The following ARL15 variants were observed in gnomAD, a reference collection of about 807,000 sequenced individuals.
ARL15 encodes the protein ARF like GTPase 15, also known as ADP-ribosylation factor-like protein 15.
In ARL15, 19 loss-of-function variants were observed where a neutral mutation model predicts 25.2. The ratio of observed to expected loss-of-function variants is 0.75; its 90% CI spans 0.53 to 1.10. ARL15 has a LOEUF of 1.10. Among genes scored for constraint, ARL15 ranks in the 50% least tolerant of loss-of-function variants. The pLI is 0.00. For missense variants in ARL15, 220 were observed against 246.0 expected (o/e 0.89, Z 0.71); for synonymous variants, 94 against 86.8 (o/e 1.08, Z -0.46).
intron 4 of ARL15, among the ~76,000 whole-genome samples, chr5:53,944,748 C>A (rs1746669009): frequency 6.6e-6 from 1 of 152,152 alleles, no homozygotes; most frequent in Non-Finnish European, 1.5e-5. Context: ...TGCTAATTTT[C>A]TGATTCACTA....
chr5:54,192,469 C>A (rs963300938), intron 1 of ARL15, among the ~76,000 whole-genome samples: 4 of 151,732 alleles, frequency 2.6e-5, no homozygotes. Context: ...ATTTCCTAAC[C>A]TTTTATCATT....
At chr5:54,242,089 G>A (rs954007162) in intron 1 of ARL15, among the ~76,000 whole-genome samples, 3 of 152,020 alleles carry the variant, frequency 2.0e-5, no homozygotes, top group Non-Finnish European at 4.4e-5. Flanking sequence ...TTAGCAAGAT[G>A]GCCCAGCAAT....
At chr5:54,292,742 T>G (rs991576250) in intron 1 of ARL15, among the ~76,000 whole-genome samples, 8 of 152,208 alleles carry the variant, frequency 5.3e-5, no homozygotes, top group African/African-American at 1.7e-4. Context: ...CGCTAGGTAT[T>G]TTTATACTGT....
At chr5:53,894,694 A>G (rs895921874) in intron 4 of ARL15, among the ~76,000 whole-genome samples, 1 of 152,142 alleles carries the variant, frequency 6.6e-6, no homozygotes, top group Non-Finnish European at 1.5e-5. Flanking sequence ...CAGGCCCTCT[A>G]CAGCCTGAGG....
chr5:54,017,888 A>G (rs1414203983), intron 4 of ARL15, among the ~76,000 whole-genome samples: 3 of 152,156 alleles, frequency 2.0e-5, no homozygotes, highest in Non-Finnish European at 4.4e-5. Context: ...AGTATGGCTA[A>G]GGCAAATCTG....
chr5:54,025,397 CAG>C (rs1203018022), intron 4 of ARL15, among the ~76,000 whole-genome samples: 1 of 150,638 alleles, frequency 6.6e-6, no homozygotes, highest in Non-Finnish European at 1.5e-5. Context: ...TGTAAGGAAA[CAG>C]AGAATTTAAT....
intron 4 of ARL15, among the ~76,000 whole-genome samples, chr5:54,082,689 A>T (rs2112114738): frequency 6.6e-6 from 1 of 152,028 alleles, no homozygotes; most frequent in South Asian, 2.1e-4. Flanking sequence ...TTTGTTTCTG[A>T]GTGTATATTG....
chr5:54,223,494 G>GA (rs1452776772), intron 1 of ARL15, among the ~76,000 whole-genome samples: 1 of 152,138 alleles, frequency 6.6e-6, no homozygotes, highest in Non-Finnish European at 1.5e-5. Context: ...TTTAGAGATA[G>GA]AAAAGGGTCT....
intron 4 of ARL15, among the ~76,000 whole-genome samples, chr5:53,958,196 A>G (rs1019229706): frequency 4.6e-5 from 7 of 152,096 alleles, no homozygotes; most frequent in African/African-American, 1.4e-4. Flanking sequence ...AAAAAAGAAA[A>G]AAAAAAAAGA....
intron 2 of ARL15, among the ~76,000 whole-genome samples, chr5:54,156,985 C>G (rs193227283): frequency 6.6e-6 from 1 of 152,322 alleles, no homozygotes; most frequent in East Asian, 1.9e-4. Context: ...ATGTATCTAC[C>G]TACCTCACAC....
At chr5:54,161,998 TACACAC>T (rs3839223) in intron 2 of ARL15, among the ~76,000 whole-genome samples, 33,158 of 144,582 alleles carry the variant, frequency 0.23, 4,019 homozygotes, top group African/African-American at 0.33. Context: ...CACACACACA[TACACAC>T]ACACACACAC....
intron 1 of ARL15, among the ~76,000 whole-genome samples, chr5:54,267,126 C>T (rs1466503558): frequency 6.6e-6 from 1 of 152,164 alleles, no homozygotes; most frequent in African/African-American, 2.4e-5. Flanking sequence ...GGGTCTCACT[C>T]TGTCACCCAG....
At chr5:53,906,011 A>C in intron 4 of ARL15, among the ~76,000 whole-genome samples, 1 of 152,202 alleles carries the variant, frequency 6.6e-6, no homozygotes, top group East Asian at 1.9e-4. Context: ...AAAGGAAAAG[A>C]TGTGGCTCTA....
intron 4 of ARL15, among the ~76,000 whole-genome samples, chr5:54,074,697 C>A (rs156386): frequency 0.5 from 76,163 of 151,834 alleles, 21,291 homozygotes; most frequent in Non-Finnish European, 0.62. Context: ...AGAGATTTTA[C>A]TTTAATAGTA....
chr5:54,188,484 G>A (rs937374851), intron 1 of ARL15, among the ~76,000 whole-genome samples: 2 of 152,126 alleles, frequency 1.3e-5, no homozygotes, highest in African/African-American at 4.8e-5. Context: ...TGACTTTAGT[G>A]TTAACATTGA....
intron 3 of ARL15, among the ~76,000 whole-genome samples, chr5:54,151,421 C>A (rs527365104): frequency 1.3e-5 from 2 of 152,164 alleles, no homozygotes; most frequent in South Asian, 4.1e-4. Flanking sequence ...GTCTCCATCA[C>A]TGAATGAGGA....
At chr5:54,078,700 C>G (rs1201869228) in intron 4 of ARL15, among the ~76,000 whole-genome samples, 1 of 61,884 alleles carries the variant, frequency 1.6e-5, no homozygotes. Flanking sequence ...ATTTCCTAAA[C>G]AAAACAATTA....
chr5:54,086,222 T>C (rs1751960827), intron 4 of ARL15, among the ~76,000 whole-genome samples: 1 of 152,160 alleles, frequency 6.6e-6, no homozygotes, highest in Non-Finnish European at 1.5e-5. Context: ...CCTCTACACA[T>C]AAGCTTTAGC....
At chr5:54,150,722 CATGAGGCAGAGGT>C (rs1754039438) in intron 3 of ARL15, among the ~76,000 whole-genome samples, 1 of 151,992 alleles carries the variant, frequency 6.6e-6, no homozygotes, top group Admixed American at 6.6e-5. Context: ...TACTTGAACC[CATGAGGCAGAGGT>C]TGCAGTGAGC....
Sources: gnomAD v4.1 joint callset for allele counts (sites outside exome capture counted in the v4.1 genomes callset) on GRCh38, gnomAD v4.1.1 for gene constraint, MANE v1.5 for transcripts, NCBI Gene and HGNC (gene_info 2026-07-23, HGNC 2026-07-21) for gene names.